SORCS2: variants seen among roughly 807,000 people sequenced by gnomAD.
SORCS2 encodes the protein VPS10 domain-containing receptor SorCS2.
A neutral mutation model predicts 141.6 loss-of-function variants in SORCS2; 100 were observed. The observed-to-expected ratio is 0.71, with a 90% confidence interval of 0.60 to 0.83. The LOEUF is 0.83. SORCS2 is among the 40% of genes least tolerant of loss of function. SORCS2 has a pLI of 0.00. For synonymous variants in SORCS2, 789 were observed against 676.9 expected, an observed-to-expected ratio of 1.17 and a Z score of -2.57; for missense variants, 1,646 against 1,560.2, an observed-to-expected ratio of 1.05 and a Z score of -0.93.
At chr4:7,487,675 G>A (rs1027223055) in intron 2 of SORCS2, among the ~76,000 whole-genome samples, 8 of 152,156 alleles carry the variant, frequency 5.3e-5, no homozygotes, top group Admixed American at 3.3e-4. Flanking sequence ...GGTGATAGAC[G>A]GGGCCTCTTC....
chr4:7,643,150 C>G (rs1720852508), intron 4 of SORCS2, among the ~76,000 whole-genome samples: 1 of 152,168 alleles, frequency 6.6e-6, no homozygotes, highest in Non-Finnish European at 1.5e-5. Context: ...TTCCCTTATC[C>G]TCGTTATAAT....
chr4:7,635,202 G>T (rs1415823394), intron 3 of SORCS2, among the ~76,000 whole-genome samples: 2 of 152,182 alleles, frequency 1.3e-5, no homozygotes, highest in African/African-American at 4.8e-5. Context: ...CAGCTAAAAT[G>T]CCCCATCCTG....
At chr4:7,712,536 G>A (rs886603462) in intron 14 of SORCS2, among the ~76,000 whole-genome samples, 197 bp from the exon 15 acceptor site, 10 of 152,206 alleles carry the variant, frequency 6.6e-5, no homozygotes, top group Non-Finnish European at 1.5e-4. Context: ...TATTCACGCC[G>A]AAGCCTACAG....
At chr4:7,522,154 C>T (rs77946862) in intron 2 of SORCS2, among the ~76,000 whole-genome samples, 2,173 of 152,276 alleles carry the variant, frequency 0.014, 52 homozygotes, top group African/African-American at 0.05. Context: ...AGCTTGCAGG[C>T]GGGTGCTGCC....
chr4:7,235,859 C>A (rs551882641), intron 1 of SORCS2, among the ~76,000 whole-genome samples: 13 of 152,118 alleles, frequency 8.5e-5, no homozygotes, highest in Non-Finnish European at 1.5e-4. Flanking sequence ...TCGTGGCAGG[C>A]GATGTTGCTA....
chr4:7,261,188 G>A (rs909437806), intron 1 of SORCS2, among the ~76,000 whole-genome samples: 2 of 152,170 alleles, frequency 1.3e-5, no homozygotes, highest in African/African-American at 4.8e-5. Context: ...AATGTCAACA[G>A]CTCTGTCGTC....
intron 1 of SORCS2, among the ~76,000 whole-genome samples, chr4:7,320,195 A>G (rs1718813030): frequency 6.6e-6 from 1 of 152,270 alleles, no homozygotes; most frequent in African/African-American, 2.4e-5. Flanking sequence ...ATCACTTAAA[A>G]ATATATTTCT....
At chr4:7,620,246 T>G (rs1007643079) in intron 3 of SORCS2, among the ~76,000 whole-genome samples, 1 of 152,218 alleles carries the variant, frequency 6.6e-6, no homozygotes, top group Non-Finnish European at 1.5e-5. Flanking sequence ...TTCTTTGGTC[T>G]AAAAATAGGA....
intron 8 of SORCS2, among the ~76,000 whole-genome samples, chr4:7,669,437 C>G (rs1055420319): frequency 1.6e-4 from 24 of 152,246 alleles, no homozygotes; most frequent in African/African-American, 5.5e-4. Context: ...AATACCACAT[C>G]TCATGTTGCT....
At chr4:7,263,055 A>G (rs548531049) in intron 1 of SORCS2, among the ~76,000 whole-genome samples, 1 of 152,192 alleles carries the variant, frequency 6.6e-6, no homozygotes, top group Non-Finnish European at 1.5e-5. Flanking sequence ...AGGAAAGAAC[A>G]GGGGCTTTGG....
intron 2 of SORCS2, among the ~76,000 whole-genome samples, chr4:7,527,147 C>G (rs1733744234): frequency 1.3e-5 from 2 of 152,206 alleles, no homozygotes; most frequent in South Asian, 4.1e-4. Context: ...TCTCTCACAG[C>G]TCACGTGGGG....
At chr4:7,391,603 C>T (rs951419103) in intron 1 of SORCS2, among the ~76,000 whole-genome samples, 3 of 152,172 alleles carry the variant, frequency 2.0e-5, no homozygotes, top group African/African-American at 7.2e-5. Flanking sequence ...GAAGGGTACC[C>T]TCAGTCCCTC....
intron 2 of SORCS2, among the ~76,000 whole-genome samples, chr4:7,484,778 G>GCCT (rs1256010484): frequency 4.6e-5 from 7 of 151,874 alleles, no homozygotes; most frequent in East Asian, 3.9e-4. Flanking sequence ...CCTGCACCCA[G>GCCT]CCCTCCTGCA....
chr4:7,297,489 C>T (rs1313964071), intron 1 of SORCS2, among the ~76,000 whole-genome samples: 2 of 152,022 alleles, frequency 1.3e-5, no homozygotes, highest in Non-Finnish European at 2.9e-5. Flanking sequence ...TGCCTCTGCT[C>T]CTTCTGTCCA....
intron 22 of SORCS2, among the ~76,000 whole-genome samples, chr4:7,728,854 G>T (rs1419626407): frequency 1.3e-5 from 2 of 152,210 alleles, no homozygotes; most frequent in African/African-American, 4.8e-5. Context: ...AACCCAGTGT[G>T]CTCACTGGCC....
At chr4:7,451,636 C>G (rs1728471692) in intron 2 of SORCS2, among the ~76,000 whole-genome samples, 1 of 152,240 alleles carries the variant, frequency 6.6e-6, no homozygotes. Context: ...TGCAGTCTGC[C>G]CATGGGCACA....
intron 10 of SORCS2, among the ~76,000 whole-genome samples, chr4:7,686,189 A>C (rs1723860828): frequency 6.6e-6 from 1 of 152,086 alleles, no homozygotes; most frequent in African/African-American, 2.4e-5. Context: ...CTTTAACAGG[A>C]GTGGTGTGAT....
intron 2 of SORCS2, chr4:7,433,977 C>T (rs1339923791): frequency 5.6e-6 from 9 of 1,613,814 alleles, no homozygotes; most frequent in Non-Finnish European, 7.6e-6. Context: ...CCAGCTTCTG[C>T]ACCACGTTCA....
chr4:7,514,319 G>T (rs1200995441), intron 2 of SORCS2, among the ~76,000 whole-genome samples: 1 of 152,094 alleles, frequency 6.6e-6, no homozygotes, highest in Non-Finnish European at 1.5e-5. Flanking sequence ...AACCCAAAGG[G>T]AGCTGTCAGC....
Sources: allele counts gnomAD v4.1 joint callset (sites outside exome capture counted in the v4.1 genomes callset), GRCh38; gene constraint gnomAD v4.1.1; transcripts MANE v1.5; gene names NCBI Gene and HGNC (gene_info 2026-07-23, HGNC 2026-07-21).